The following SLCO3A1 variants were observed in gnomAD, a reference collection of about 807,000 sequenced individuals.
SLCO3A1 encodes the protein solute carrier organic anion transporter family member 3A1.
A neutral mutation model predicts 63.1 loss-of-function variants in SLCO3A1; 27 were observed. That is an observed-to-expected ratio of 0.43 (90% confidence interval 0.32 to 0.59). The LOEUF is 0.59. SLCO3A1 is among the 20% of genes least tolerant of loss of function. SLCO3A1 has a pLI of 0.09. For missense variants in SLCO3A1, 773 were observed against 945.8 expected (o/e 0.82, Z 2.40); for synonymous variants, 473 against 409.9 (o/e 1.15, Z -1.86).
intron 2 of SLCO3A1, among the ~76,000 whole-genome samples, chr15:92,001,832 T>TC: frequency 7.0e-6 from 1 of 142,602 alleles, no homozygotes; most frequent in South Asian, 2.4e-4. Context: ...GAGTTCTTTT[T>TC]TTTTTTTTTT....
At chr15:91,918,838 C>T (rs1240629451) in intron 2 of SLCO3A1, among the ~76,000 whole-genome samples, 1 of 152,196 alleles carries the variant, frequency 6.6e-6, no homozygotes, top group African/African-American at 2.4e-5. Context: ...GATGCTGGGA[C>T]TGTAGGTGTA....
intron 4 of SLCO3A1, among the ~76,000 whole-genome samples, chr15:92,106,088 G>A (rs746120790): frequency 6.6e-6 from 1 of 152,206 alleles, no homozygotes; most frequent in Non-Finnish European, 1.5e-5. Flanking sequence ...AAGAATGAAA[G>A]CACTGCTGCA....
chr15:92,087,998 G>A (rs1039520024), intron 2 of SLCO3A1, among the ~76,000 whole-genome samples: 88 of 152,254 alleles, frequency 5.8e-4, no homozygotes, highest in African/African-American at 2.0e-3. Context: ...GAGGTACATC[G>A]AGTGGGAGAG....
chr15:91,963,955 T>G, intron 2 of SLCO3A1, among the ~76,000 whole-genome samples: 1 of 152,184 alleles, frequency 6.6e-6, no homozygotes, highest in Non-Finnish European at 1.5e-5. Context: ...ATTGGTCCAT[T>G]TTACAGAGTG....
chr15:91,902,569 A>T (rs967361058), intron 1 of SLCO3A1, among the ~76,000 whole-genome samples: 2 of 152,062 alleles, frequency 1.3e-5, no homozygotes, highest in Non-Finnish European at 2.9e-5. Context: ...ACATGGGAGT[A>T]GGAGGGAGGG....
At chr15:92,009,827 C>A (rs563538628) in intron 2 of SLCO3A1, among the ~76,000 whole-genome samples, 2 of 152,188 alleles carry the variant, frequency 1.3e-5, no homozygotes, top group South Asian at 4.1e-4. Flanking sequence ...ATGTTTCTTT[C>A]CTGAAGTCCT....
chr15:91,994,615 T>C (rs4932598), intron 2 of SLCO3A1, among the ~76,000 whole-genome samples: 27,021 of 152,248 alleles, frequency 0.18, 2,915 homozygotes, highest in East Asian at 0.33. Flanking sequence ...AAGAGTGAAC[T>C]GCCTTCAGAA....
rs146414021 is a variant in SLCO3A1 at position 92,032,697 on chromosome 15, C to G, written c.647-62184C>G. Among the ~76,000 whole-genome samples the G allele has an allele frequency of 2.5e-3, 379 of 152,156 alleles. 1 individual carries two copies. Among genetic ancestry groups the G allele is most frequent in the Non-Finnish European group, 4.1e-3 (282 of 67,982 alleles). The stretch of plus-strand genomic sequence containing the variant: ...GGGCAGCATCTTGCAGGTGCAGAGG[C>G]CCCCATCGAAGGCGGTTGCGATGCT... On this transcript the variant is annotated intron_variant, in intron 2 of 9. Coordinates refer to ENST00000318445, the MANE Select transcript of SLCO3A1 (RefSeq NM_013272.4).
At chr15:91,949,585 G>A (rs551434453) in intron 2 of SLCO3A1, among the ~76,000 whole-genome samples, 7 of 152,088 alleles carry the variant, frequency 4.6e-5, no homozygotes, top group Non-Finnish European at 1.0e-4. Context: ...AGTTGAGATC[G>A]TGCCACTGCA....
At chr15:92,065,683 C>A (rs1418327638) in intron 2 of SLCO3A1, among the ~76,000 whole-genome samples, 1 of 152,082 alleles carries the variant, frequency 6.6e-6, no homozygotes, top group Non-Finnish European at 1.5e-5. Context: ...CTTTATAGCT[C>A]TTTTCAAGAA....
chr15:92,095,079 A>G (rs1183030611), intron 3 of SLCO3A1, 100 bp downstream of exon 3: 7 of 811,076 alleles, frequency 8.6e-6, no homozygotes, highest in African/African-American at 5.0e-5. Context: ...TTGCTAAGAG[A>G]CAGTCTTGAT....
At chr15:91,884,597 T>C (rs1013214193) in intron 1 of SLCO3A1, among the ~76,000 whole-genome samples, 9 of 152,100 alleles carry the variant, frequency 5.9e-5, no homozygotes, top group South Asian at 2.1e-4. Context: ...ATAAAACTTA[T>C]TGATTTATTC....
chr15:91,992,871 AG>A (rs2046143830), intron 2 of SLCO3A1, among the ~76,000 whole-genome samples: 1 of 152,142 alleles, frequency 6.6e-6, no homozygotes. Context: ...AGGTCATCCT[AG>A]GGCTATTGCA....
intron 2 of SLCO3A1, among the ~76,000 whole-genome samples, chr15:92,089,011 A>ATTT (rs1567113292): frequency 2.9e-5 from 4 of 135,992 alleles, no homozygotes; most frequent in Admixed American, 7.9e-5. Context: ...TTTATTTATT[A>ATTT]TTTATTTATT....
intron 2 of SLCO3A1, 41 bp from the exon 3 acceptor site, chr15:92,094,840 C>A: frequency 7.6e-7 from 1 of 1,322,486 alleles, no homozygotes; most frequent in Non-Finnish European, 1.1e-6. Flanking sequence ...CATCGAATAG[C>A]TTCTGTTTTG....
In SLCO3A1 at chr15:91,894,798, C is replaced by T. The variant is rs758091452; in HGVS notation, c.181-21195C>T. 8.9e-4 allele frequency among the ~76,000 whole-genome samples: 135 copies of T among 152,132 alleles called. 1 individual carries two copies. Among genetic ancestry groups the T allele is most frequent in the Non-Finnish European group, 2.2e-4 (15 of 68,028 alleles). ...ACTTGACTGAGCAAGGGCTTACTCACCCTCACCCTGCACATGCTTCTGCCA... is the reference window on the plus strand; with the variant it reads ...ACTTGACTGAGCAAGGGCTTACTCATCCTCACCCTGCACATGCTTCTGCCA... On this transcript the variant is annotated intron_variant, in intron 1 of 9. Transcript: ENST00000318445. This position sits in a 1 kb window ranked among gnomAD's most constrained non-coding sequence, Gnocchi z 4.8.
rs939504493 is a variant in SLCO3A1, at chr15:91,853,857, G to A, written c.-52G>A. The A allele has an allele frequency of 1.8e-5, 23 of 1,262,476 alleles. No homozygotes were observed. The African/African-American group carries it at 2.9e-4, about 16-fold the overall frequency. 78.2% of individuals were successfully genotyped at this position (1,262,476 alleles called of 1,614,324 possible). A position where few individuals can be genotyped will look rare whatever the true frequency, so the allele number is the denominator to read the frequency against. On this transcript the variant is annotated 5_prime_UTR_variant, in exon 1 of 10. Transcript: ENST00000318445. ...CGCCCGGCAGCGGCCCCGACACCCG[G>A]GGCGAGCGGGAAAGCGGCAGCGGCG...
chr15:92,016,536 A>G (rs757232450), intron 2 of SLCO3A1, among the ~76,000 whole-genome samples: 6 of 152,128 alleles, frequency 3.9e-5, no homozygotes, highest in Non-Finnish European at 8.8e-5. Flanking sequence ...TGGCCTTTGT[A>G]AGTTGACATG....
At chr15:92,060,795 C>T (rs1008106064) in intron 2 of SLCO3A1, among the ~76,000 whole-genome samples, 4 of 152,070 alleles carry the variant, frequency 2.6e-5, no homozygotes, top group Non-Finnish European at 5.9e-5. Context: ...CCACTGTGCC[C>T]GGCCGGTACT....
Sources: gnomAD v4.1 joint callset for allele counts (sites outside exome capture counted in the v4.1 genomes callset) on GRCh38, gnomAD v4.1.1 for gene constraint, Gnocchi (gnomAD v3.1) non-coding constraint, MANE v1.5 for transcripts, NCBI Gene and HGNC (gene_info 2026-07-23, HGNC 2026-07-21) for gene names.